The following MASTL variants were observed in gnomAD, a reference collection of about 807,000 sequenced individuals.
MASTL encodes the protein serine/threonine-protein kinase greatwall.
A neutral mutation model predicts 82.5 loss-of-function variants in MASTL; 54 were observed. That is an observed-to-expected ratio of 0.65 (90% CI 0.53 to 0.82). MASTL has a LOEUF of 0.82. MASTL is among the 40% of genes least tolerant of loss of function. MASTL has a pLI of 0.00. For missense variants in MASTL, 950 were observed against 1,047.8 expected (o/e 0.91, Z 1.29); for synonymous variants, 323 against 368.9 (o/e 0.88, Z 1.43).
chr10:27,186,616 T>C lies in MASTL; in HGVS notation c.*80T>C. On this transcript the variant is annotated 3_prime_UTR_variant, in exon 12 of 12. Coordinates refer to ENST00000375940, the MANE Select transcript of MASTL (RefSeq NM_001172303.3). ...TATATACTCCTTAATACTAGATTGA[T>C]CTAAGGGGGAAAGATCATTATTTAA... The C allele has an allele frequency of 8.1e-7, 1 of 1,228,520 alleles. No individual in the cohort carries two copies. Among genetic ancestry groups the C allele is most frequent in the South Asian group, 1.2e-5 (1 of 83,290 alleles). 76.1% of individuals were successfully genotyped at this position (1,228,520 alleles called of 1,614,324 possible).
Position 27,186,764 on chromosome 10 carries a change from T to C in MASTL, c.*228T>C, listed in dbSNP as rs1338. 321,288 of 529,752 alleles carry C rather than the reference T, an allele frequency of 0.61. 98,968 individuals are homozygous for C. Among genetic ancestry groups the C allele is most frequent in the Non-Finnish European group, 0.65 (192,959 of 296,538 alleles). 32.8% of individuals were successfully genotyped at this position (529,752 alleles called of 1,614,324 possible). A position where few individuals can be genotyped will look rare whatever the true frequency, so the allele number is the denominator to read the frequency against. On this transcript the variant is annotated 3_prime_UTR_variant, in exon 12 of 12. Coordinates refer to ENST00000375940, the MANE Select transcript of MASTL (RefSeq NM_001172303.3). ...TATAAATCTTCAAAGCTTTTTTCATTTATTTATTTTGTTTATTGCACTTTA... is the reference window on the plus strand; with the variant it reads ...TATAAATCTTCAAAGCTTTTTTCATCTATTTATTTTGTTTATTGCACTTTA...
intron 1 of MASTL, among the ~76,000 whole-genome samples, chr10:27,158,198 CAACTT>C (rs2057456729): frequency 6.6e-6 from 1 of 152,134 alleles, no homozygotes; most frequent in Admixed American, 6.6e-5. Flanking sequence ...TTCATGATGG[CAACTT>C]TGAAACCTGA....
At position 27,155,369 on chromosome 10, in the gene MASTL, C is replaced by T; in HGVS notation, c.-58C>T. ...GGAGCCTCACTTTGAACCCAGTTGG[C>T]GGGAGTGGCTGCTCGCGGAGGGGCA... On this transcript the variant is annotated 5_prime_UTR_variant, in exon 1 of 12. Transcript: ENST00000375940. 2 of 1,513,408 alleles carry T rather than the reference C, an allele frequency of 1.3e-6. No homozygotes were observed. Among genetic ancestry groups the T allele is most frequent in the East Asian group, 4.8e-5 (2 of 41,282 alleles). 93.7% of individuals were successfully genotyped at this position (1,513,408 alleles called of 1,614,324 possible). A position where few individuals can be genotyped will look rare whatever the true frequency, so the allele number is the denominator to read the frequency against.
Position 27,159,987 on chromosome 10 carries a change from A to G in MASTL, c.464+229A>G, listed in dbSNP as rs879803179. ...TGTATTTATTTATTTTTGTATTTAC[A>G]TATTTATTTATTTTTTTCTTTGTTG... On this transcript the variant is annotated intron_variant, in intron 3 of 11. Transcript: ENST00000375940. The surrounding 1 kb of genome is among the most constrained non-coding windows in gnomAD (Gnocchi z 4.0). Among the ~76,000 whole-genome samples, 1 of 151,370 alleles carries G rather than the reference A, an allele frequency of 6.6e-6. No individual in the cohort carries two copies. Among genetic ancestry groups the G allele is most frequent in the Non-Finnish European group, 1.5e-5 (1 of 67,934 alleles).
intron 11 of MASTL, 138 bp downstream of exon 11, chr10:27,181,719 TC>T: frequency 1.6e-6 from 1 of 613,226 alleles, no homozygotes; most frequent in East Asian, 3.6e-5. Flanking sequence ...GGCGGGCTGA[TC>T]ACAAGGTCAG....
At chr10:27,177,112 G>T (rs2058126237) in intron 9 of MASTL, among the ~76,000 whole-genome samples, 3 of 152,056 alleles carry the variant, frequency 2.0e-5, no homozygotes, top group Admixed American at 2.0e-4. Flanking sequence ...CTCCCAAAGT[G>T]CTGGGATTAC....
intron 9 of MASTL, among the ~76,000 whole-genome samples, chr10:27,177,211 A>G (rs2058129626): frequency 6.6e-6 from 1 of 152,052 alleles, no homozygotes; most frequent in African/African-American, 2.4e-5. Context: ...TCAGTAACTG[A>G]TATTAATAAT....
intron 11 of MASTL, 69 bp from the exon 12 acceptor site, chr10:27,186,310 A>C (rs2058743963): frequency 7.0e-7 from 1 of 1,421,744 alleles, no homozygotes; most frequent in Middle Eastern, 1.8e-4. Context: ...TCTTTTTATA[A>C]TAATTCCTGT....
In MASTL at chr10:27,173,285, T is replaced by C. The variant is rs1170900793; in HGVS notation, c.2266+26T>C. 14 of 1,613,728 alleles carry C rather than the reference T, an allele frequency of 8.7e-6. No individual in the cohort carries two copies. In the Admixed American group the frequency reaches 1.0e-4, roughly 12 times the overall value. On this transcript the variant is annotated intron_variant, in intron 9 of 11. Coordinates refer to ENST00000375940, the MANE Select transcript of MASTL (RefSeq NM_001172303.3). ...GTAAGGCATGCATGTCTTGAGTTTT[T>C]GAAGTGTTATCTATCACTACATTAT...
In MASTL at chr10:27,171,100, C is replaced by T; in HGVS notation, c.2124+17C>T. 1 of 1,609,548 alleles carries T rather than the reference C, an allele frequency of 6.2e-7. No homozygotes were observed. Among genetic ancestry groups the T allele is most frequent in the South Asian group, 1.1e-5 (1 of 90,956 alleles). Reference sequence around the variant, plus strand: ...CCACATCAGGTATATTTATAACTTTCTAATACTGTTTTTTGGATTTTAGAA... The same window carrying T: ...CCACATCAGGTATATTTATAACTTTTTAATACTGTTTTTTGGATTTTAGAA... On this transcript the variant is annotated intron_variant, in intron 8 of 11. Transcript: ENST00000375940.
intron 2 of MASTL, 105 bp downstream of exon 2, chr10:27,158,791 T>C: frequency 8.0e-7 from 1 of 1,253,254 alleles, no homozygotes; most frequent in African/African-American, 1.5e-5. Context: ...ATTTGAATTC[T>C]GGCTGCACTC....
upstream of MASTL, chr10:27,155,246 G>A: frequency 3.1e-6 from 2 of 637,636 alleles, no homozygotes; most frequent in Admixed American, 5.9e-5. Flanking sequence ...GCGAAGTCGG[G>A]GCTTTCCCGA....
At chr10:27,168,568 GCA>G (rs2057812275) in intron 7 of MASTL, among the ~76,000 whole-genome samples, 1 of 152,190 alleles carries the variant, frequency 6.6e-6, no homozygotes, top group Non-Finnish European at 1.5e-5. Context: ...TGTAATCCCA[GCA>G]CTTTGAGAGG....
At chr10:27,167,319 A>C (rs202000495) in intron 7 of MASTL, 45 bp downstream of exon 7, 203 of 1,481,070 alleles carry the variant, frequency 1.4e-4, no homozygotes, top group Non-Finnish European at 1.9e-4. Flanking sequence ...ATGTATGTCA[A>C]ATGAATGTGA....
chr10:27,163,529 A>T (rs1011163306), intron 4 of MASTL, among the ~76,000 whole-genome samples: 10 of 152,182 alleles, frequency 6.6e-5, no homozygotes, highest in African/African-American at 1.7e-4. Flanking sequence ...AAAATATCAT[A>T]TACGTGTATT....
At chr10:27,157,310 G>A (rs1158945748) in intron 1 of MASTL, among the ~76,000 whole-genome samples, 3 of 152,112 alleles carry the variant, frequency 2.0e-5, no homozygotes, top group Non-Finnish European at 4.4e-5. Context: ...CAGTTGAAAT[G>A]AAAACACCAA....
intron 1 of MASTL, among the ~76,000 whole-genome samples, chr10:27,156,734 G>C (rs2057397707): frequency 6.6e-6 from 1 of 151,412 alleles, no homozygotes; most frequent in South Asian, 2.1e-4. Context: ...TGGCCAGGCT[G>C]GTCTGGAGCT....
intron 4 of MASTL, among the ~76,000 whole-genome samples, chr10:27,163,074 G>A (rs1289074160): frequency 1.3e-5 from 2 of 151,898 alleles, no homozygotes; most frequent in African/African-American, 2.4e-5. Flanking sequence ...CCGCCACCAC[G>A]CCCAGCTAAT....
At chr10:27,169,779 T>G (rs2057860626) in intron 7 of MASTL, among the ~76,000 whole-genome samples, 165 bp from the exon 8 acceptor site, 1 of 152,318 alleles carries the variant, frequency 6.6e-6, no homozygotes, top group African/African-American at 2.4e-5. Context: ...TTATAATTGC[T>G]TACATTGCTT....
Sources: gnomAD v4.1 joint callset for allele counts (sites outside exome capture counted in the v4.1 genomes callset) on GRCh38, gnomAD v4.1.1 for gene constraint, Gnocchi (gnomAD v3.1) non-coding constraint, MANE v1.5 for transcripts, NCBI Gene and HGNC (gene_info 2026-07-23, HGNC 2026-07-21) for gene names.